The following SPTAN1 variants were observed in gnomAD, a reference collection of about 807,000 sequenced individuals.
SPTAN1 encodes spectrin alpha, non-erythrocytic 1, also known as spectrin alpha chain, non-erythrocytic 1.
SPTAN1 carries 61 observed loss-of-function variants against 331.3 expected under a neutral mutation model. The observed-to-expected ratio is 0.18, with a 90% CI of 0.15 to 0.23. SPTAN1 has a LOEUF of 0.23. Among genes scored for constraint, SPTAN1 ranks in the 10% least tolerant of loss-of-function variants. The probability of loss-of-function intolerance (pLI) is 1.00; values close to 1 mark genes in which losing one functional copy is unlikely to be tolerated. For missense variants in SPTAN1, 2,043 were observed against 3,147.9 expected, an observed-to-expected ratio of 0.65 and a Z score of 8.40; for synonymous variants, 1,153 against 1,173.9, an observed-to-expected ratio of 0.98 and a Z score of 0.36.
chr9:128,630,562 C>T (rs1334504253), intron 52 of SPTAN1, 187 bp downstream of exon 52: 1 of 599,166 alleles, frequency 1.7e-6, no homozygotes, highest in African/African-American at 1.9e-5. Context: ...CATGGAATCT[C>T]TCTCTCGCCC....
chr9:128,600,189 C>G, intron 27 of SPTAN1, 74 bp downstream of exon 27: 1 of 1,505,840 alleles, frequency 6.6e-7, no homozygotes, highest in Non-Finnish European at 9.2e-7. Context: ...TCTGGTGTGC[C>G]TTTCTCTGAA....
chr9:128,585,540 G>A (rs1426215235), intron 18 of SPTAN1, among the ~76,000 whole-genome samples: 2 of 152,188 alleles, frequency 1.3e-5, no homozygotes, highest in African/African-American at 2.4e-5. Context: ...AGTCTAGATA[G>A]AGGTCATGGT....
At chr9:128,633,072 T>C (rs1860067646) in intron 56 of SPTAN1, 117 bp downstream of exon 56, 2 of 1,592,400 alleles carry the variant, frequency 1.3e-6, no homozygotes, top group Admixed American at 3.4e-5. Flanking sequence ...CATTTACAAA[T>C]CAAACTCAGT....
intron 20 of SPTAN1, among the ~76,000 whole-genome samples, 154 bp from the exon 21 acceptor site, chr9:128,588,655 T>G (rs1175897193): frequency 6.6e-6 from 1 of 152,154 alleles, no homozygotes; most frequent in African/African-American, 2.4e-5. Context: ...TTAAAGTTCT[T>G]GGATCAGATT....
intron 23 of SPTAN1, 106 bp from the exon 24 acceptor site, chr9:128,594,069 A>G: frequency 9.5e-7 from 1 of 1,058,026 alleles, no homozygotes; most frequent in Non-Finnish European, 1.5e-6. Flanking sequence ...ACAAACTCGT[A>G]GCCTGGAATC....
Position 128,580,951 on chromosome 9 carries a change from G to A in SPTAN1, c.1353G>A (p.Ala451=), listed in dbSNP as rs778695725. The stretch of plus-strand genomic sequence containing the variant: ...CCGTCCTTTCCGAGGAGAGAGCGGC[G>A]CTGCTGGAGCTGTGGGAGCTGCGCA... ...KLTVLSEERA[A]LLELWELRRQ... Residue 451 remains alanine (A), a synonymous_variant, in exon 11 of 57, where the codon GCG becomes GCA. Transcript: ENST00000372739. The A allele has an allele frequency of 1.4e-5, 23 of 1,613,492 alleles. No individual in the cohort carries two copies. Among genetic ancestry groups the A allele is most frequent in the Middle Eastern group, 1.8e-4 (1 of 5,634 alleles).
Position 128,630,370 on chromosome 9 carries a change from A to T in SPTAN1, c.6757A>T (p.Thr2253Ser). Residue 2253 changes from threonine to serine, a missense_variant, in exon 52 of 57, where the codon ACC (threonine) becomes TCC (serine). This residue lies in a region of SPTAN1 where 256 missense variants were observed against 376.4 expected (regional missense o/e 0.68). Transcript: ENST00000372739. ...GACCCTCGAATCCCAGCTTGAAGCT[A>T]CCAAAGTAAGTGCCCGTGGGGCTCT... Reference protein sequence around the residue: ...SGTLESQLEATKRKHQEIRAM... With the variant: ...SGTLESQLEASKRKHQEIRAM... 6.2e-7 allele frequency: 1 copy of T among 1,612,236 alleles called. No individual in the cohort carries two copies. Among genetic ancestry groups the T allele is most frequent in the Non-Finnish European group, 8.5e-7 (1 of 1,179,954 alleles).
chr9:128,633,315 G>A lies in SPTAN1; in HGVS notation c.7415G>A (p.Arg2472His), dbSNP rs375016371. 2.2e-5 allele frequency: 36 copies of A among 1,613,702 alleles called. No individual in the cohort carries two copies. Among genetic ancestry groups the A allele is most frequent in the South Asian group, 8.8e-5 (8 of 91,082 alleles). The change falls in exon 57 of 57, where the codon CGC becomes CAC. Residue 2472 changes from arginine to histidine, a missense_variant. Transcript: ENST00000372739. ...PTAFDYVEFT[R>H]SLFVN ...GCGTTCGACTACGTGGAGTTCACCCGCTCGCTTTTCGTGAACTGAGCCACT... is the reference window on the plus strand; with the variant it reads ...GCGTTCGACTACGTGGAGTTCACCCACTCGCTTTTCGTGAACTGAGCCACT...
At chr9:128,581,525 C>T (rs1214980564) in intron 11 of SPTAN1, among the ~76,000 whole-genome samples, 4 of 150,414 alleles carry the variant, frequency 2.7e-5, no homozygotes, top group Admixed American at 2.6e-4. Context: ...TATGTAACAT[C>T]TGAATCTAAT....
intron 23 of SPTAN1, 87 bp from the exon 24 acceptor site, chr9:128,594,088 G>T: frequency 7.9e-7 from 1 of 1,271,214 alleles, no homozygotes; most frequent in Non-Finnish European, 1.1e-6. Context: ...TCCACATCTT[G>T]GAGACACCTC....
At chr9:128,598,585 A>G in intron 25 of SPTAN1, 81 bp downstream of exon 25, 1 of 1,187,162 alleles carries the variant, frequency 8.4e-7, no homozygotes, top group Non-Finnish European at 1.2e-6. Flanking sequence ...ATAGCCCAAC[A>G]AGCAGTGTTT....
At chr9:128,633,026 G>A in intron 56 of SPTAN1, 71 bp downstream of exon 56, 1 of 1,602,798 alleles carries the variant, frequency 6.2e-7, no homozygotes, top group Non-Finnish European at 8.5e-7. Context: ...GCAGAGCTGA[G>A]TCTGGGGTAA....
In SPTAN1 at chr9:128,627,841, T is replaced by C. The variant is rs924759036; in HGVS notation, c.6690-84T>C. On this transcript the variant is annotated intron_variant, in intron 50 of 56. Transcript: ENST00000372739. This position sits in a 1 kb window ranked among gnomAD's most constrained non-coding sequence, Gnocchi z 4.9. ...TCTTGCTTTTGTTTTCCTTTCTTTC[T>C]TGTGTCTTCTCTCTGTCCCCCCGAT... is the stretch of plus-strand genomic sequence containing the variant. 6.6e-7 allele frequency: 1 copy of C among 1,518,868 alleles called. No individual in the cohort carries two copies. Among genetic ancestry groups the C allele is most frequent in the Non-Finnish European group, 9.1e-7 (1 of 1,093,298 alleles). The allele number at this position is 1,518,868 out of a possible 1,614,324, so 94.1% of individuals were successfully genotyped here.
At chr9:128,600,828 A>G (rs557766209) in intron 27 of SPTAN1, among the ~76,000 whole-genome samples, 1 of 151,704 alleles carries the variant, frequency 6.6e-6, no homozygotes, top group African/African-American at 2.4e-5. Flanking sequence ...ATGCCTGGCA[A>G]ATTTTTGTAT....
Position 128,611,773 on chromosome 9 carries a change from C to T in SPTAN1, c.4833C>T (p.Ile1611=). The T allele has an allele frequency of 1.9e-6, 3 of 1,614,148 alleles. No homozygotes were observed. The highest frequency in any genetic ancestry group is 2.5e-6 in the Non-Finnish European group (3 of 1,180,026). ...EAELHANADR[I]RGVIDMGNSL... ...AGCTGCATGCCAACGCTGACCGGAT[C>T]CGTGGGGTTATCGACATGGGCAACT... is the stretch of plus-strand genomic sequence containing the variant. The change falls in exon 38 of 57, where the codon ATC becomes ATT. Residue 1611 remains isoleucine, a synonymous_variant. Transcript: ENST00000372739.
At position 128,568,912 on chromosome 9, in the gene SPTAN1, C is replaced by T; in HGVS notation, c.363+15C>T. The T allele has an allele frequency of 6.2e-7, 1 of 1,613,818 alleles. No homozygotes were observed. The highest frequency in any genetic ancestry group is 8.5e-7 in the Non-Finnish European group (1 of 1,179,812). ...AAACCATACGGGTGAGTATGAGTAG[C>T]TCGTGGAGTGGATGGCTTCATCTGG... On this transcript the variant is annotated intron_variant, in intron 3 of 56. Coordinates refer to ENST00000372739, the MANE Select transcript of SPTAN1 (RefSeq NM_001130438.3).
intron 20 of SPTAN1, among the ~76,000 whole-genome samples, chr9:128,588,203 G>A (rs1852926281): frequency 6.6e-6 from 1 of 151,652 alleles, no homozygotes; most frequent in African/African-American, 2.4e-5. Flanking sequence ...TCACTATGTT[G>A]GCCGGGCTGG....
At chr9:128,604,273 G>A in intron 28 of SPTAN1, 53 bp from the exon 29 acceptor site, 2 of 1,569,572 alleles carry the variant, frequency 1.3e-6, no homozygotes, top group Non-Finnish European at 1.8e-6. Flanking sequence ...AGTCTGACTG[G>A]GGGCATGACA....
rs1344606059 is a variant in SPTAN1, at chr9:128,627,105, A to G, written c.6577-281A>G. The G allele has an allele frequency of 1.7e-6, 1 of 580,876 alleles. No individual in the cohort carries two copies. Among genetic ancestry groups the G allele is most frequent in the East Asian group, 4.0e-5 (1 of 24,906 alleles). 36.0% of individuals were successfully genotyped at this position (580,876 alleles called of 1,614,324 possible). On this transcript the variant is annotated intron_variant, in intron 49 of 56. Transcript: ENST00000372739. This position sits in a 1 kb window ranked among gnomAD's most constrained non-coding sequence, Gnocchi z 4.9. The stretch of plus-strand genomic sequence containing the variant: ...TGGGATTACAGGTGTGAGCCACTGT[A>G]CCCAGCCAGAAGTTTCCATTTCTGA...
Sources: allele counts gnomAD v4.1 joint callset (sites outside exome capture counted in the v4.1 genomes callset), GRCh38; gene constraint gnomAD v4.1.1; regional missense constraint gnomAD v4.1.1; non-coding constraint Gnocchi (gnomAD v3.1); transcripts MANE v1.5; gene names NCBI Gene and HGNC (gene_info 2026-07-23, HGNC 2026-07-21).